Variants in FZR1 observed in about 807,000 individuals in gnomAD.
The protein encoded by FZR1 is fizzy-related protein homolog.
Under a neutral mutation model 63.6 loss-of-function variants are expected in FZR1, and 11 were observed. The observed-to-expected ratio is 0.17, with a 90% CI of 0.11 to 0.29. The LOEUF (loss-of-function observed/expected upper bound fraction) is 0.29. Ranked by LOEUF, FZR1 falls within the 10% of genes least tolerant of loss-of-function variation. The pLI is 1.00. For missense variants in FZR1, 440 were observed against 687.5 expected (o/e 0.64, Z 4.03); for synonymous variants, 328 against 297.9 (o/e 1.10, Z -1.04).
chr19:3,518,221 C>G (rs979682463), intron 1 of FZR1, among the ~76,000 whole-genome samples: 1 of 151,978 alleles, frequency 6.6e-6, no homozygotes, highest in African/African-American at 2.4e-5. Flanking sequence ...ACCATGTTGG[C>G]CAGGCTGGTG....
chr19:3,527,878 T>G, intron 7 of FZR1, 64 bp downstream of exon 7: 2 of 1,281,876 alleles, frequency 1.6e-6, no homozygotes, highest in Non-Finnish European at 2.2e-6. Flanking sequence ...GACCTCAATG[T>G]ACCCACCGGG....
rs540841451 is a variant in FZR1, at chr19:3,526,481, G to A, written c.387+95G>A. 748 of 1,045,366 alleles carry A rather than the reference G, an allele frequency of 7.2e-4. 3 individuals are homozygous for A. The highest frequency in any genetic ancestry group is 5.3e-3 in the African/African-American group (338 of 63,748). The allele number at this position is 1,045,366 out of a possible 1,614,324, so 64.8% of individuals were successfully genotyped here. On this transcript the variant is annotated intron_variant, in intron 5 of 13. Transcript: ENST00000441788. This position sits in a 1 kb window ranked among gnomAD's most constrained non-coding sequence, Gnocchi z 5.4. ...GCACCAGCTCTGCCTCCCCGAGCCC[G>A]GTTCTCGGGCCCAGCCACGGCTCAG...
rs537813007 is a variant in FZR1 at position 3,531,698 on chromosome 19, A to G, written c.721-16A>G. 2 of 1,533,150 alleles carry G rather than the reference A, an allele frequency of 1.3e-6. No individual in the cohort carries two copies. Among genetic ancestry groups the G allele is most frequent in the Admixed American group, 2.0e-5 (1 of 50,576 alleles). 95.0% of individuals were successfully genotyped at this position (1,533,150 alleles called of 1,614,324 possible). A position where few individuals can be genotyped will look rare whatever the true frequency, so the allele number is the denominator to read the frequency against. The stretch of plus-strand genomic sequence containing the variant: ...CAGACCTGACACCGGTGCTCTGCCC[A>G]TGCCTTCCATCCTAGGGGAACCTGG... On this transcript the variant is annotated splice_polypyrimidine_tract_variant and intron_variant, in intron 8 of 13. Coordinates refer to ENST00000441788, the MANE Select transcript of FZR1 (RefSeq NM_016263.4).
intron 1 of FZR1, among the ~76,000 whole-genome samples, chr19:3,508,764 C>T (rs72976603): frequency 0.1 from 15,191 of 152,244 alleles, 1,058 homozygotes; most frequent in Middle Eastern, 0.2. Context: ...CTCCACTGCC[C>T]AATTCTGTCC....
intron 7 of FZR1, among the ~76,000 whole-genome samples, chr19:3,529,358 G>C (rs112530324): frequency 0.013 from 1,982 of 149,466 alleles, 31 homozygotes; most frequent in African/African-American, 0.045. Flanking sequence ...GTGGATGGGA[G>C]AGCGGATGGG....
chr19:3,532,585 C>T lies in FZR1; in HGVS notation c.1177C>T (p.Leu393=). The T allele has an allele frequency of 6.2e-7, 1 of 1,612,798 alleles. No homozygotes were observed. Among genetic ancestry groups the T allele is most frequent in the Non-Finnish European group, 8.5e-7 (1 of 1,179,858 alleles). Residue 393 remains leucine, a synonymous_variant, in exon 11 of 14, where the codon CTG becomes TTG. Coordinates refer to ENST00000441788, the MANE Select transcript of FZR1 (RefSeq NM_016263.4). ...CTGGAACACGCTGACAGGACAACCACTGCAGTGTATCGACACGGGCTCCCA... is the reference window on the plus strand; with the variant it reads ...CTGGAACACGCTGACAGGACAACCATTGCAGTGTATCGACACGGGCTCCCA... The part of the protein sequence containing the change: ...RFWNTLTGQP[L]QCIDTGSQVC...
At chr19:3,528,905 G>A (rs563758919) in intron 7 of FZR1, among the ~76,000 whole-genome samples, 28 of 148,858 alleles carry the variant, frequency 1.9e-4, no homozygotes, top group South Asian at 1.7e-3. Flanking sequence ...GAGGGGAGTG[G>A]ATGTTTGAGT....
chr19:3,533,240 TA>T lies in FZR1; in HGVS notation c.1243-53del. 1 of 1,090,750 alleles carries T rather than the reference TA, an allele frequency of 9.2e-7. No individual in the cohort carries two copies. The highest frequency in any genetic ancestry group is 1.4e-6 in the Non-Finnish European group (1 of 709,078). 67.6% of individuals were successfully genotyped at this position (1,090,750 alleles called of 1,614,324 possible). A position where few individuals can be genotyped will look rare whatever the true frequency, so the allele number is the denominator to read the frequency against. On this transcript the variant is annotated intron_variant, in intron 11 of 13. Coordinates refer to ENST00000441788, the MANE Select transcript of FZR1 (RefSeq NM_016263.4). The surrounding 1 kb of genome is among the most constrained non-coding windows in gnomAD (Gnocchi z 4.9). ...GCGGGTGCATGTGAGGCAGCAGGCA[TA>T]GCACCCGGCCTCGTTGCCCCTCACC...
At chr19:3,529,780 G>C (rs1467252740) in intron 7 of FZR1, among the ~76,000 whole-genome samples, 1 of 147,156 alleles carries the variant, frequency 6.8e-6, no homozygotes, top group Non-Finnish European at 1.5e-5. Context: ...GCGGATGCGA[G>C]AGTGGATGAG....
chr19:3,523,936 TC>T (rs1182546791), intron 2 of FZR1, among the ~76,000 whole-genome samples: 2 of 152,000 alleles, frequency 1.3e-5, no homozygotes, highest in Non-Finnish European at 2.9e-5. Context: ...AGCCGCCTTC[TC>T]CCCCTGTGCG....
rs202198946 is a variant in FZR1, at chr19:3,534,542, G to A, written c.1440+29G>A. 2.7e-3 allele frequency: 3,790 copies of A among 1,423,932 alleles called. 9 individuals carry two copies. Among genetic ancestry groups the A allele is most frequent in the Non-Finnish European group, 2.8e-3 (2,898 of 1,021,528 alleles). The allele number at this position is 1,423,932 out of a possible 1,614,324, so 88.2% of individuals were successfully genotyped here. On this transcript the variant is annotated intron_variant, in intron 13 of 13. Coordinates refer to ENST00000441788, the MANE Select transcript of FZR1 (RefSeq NM_016263.4). ...AAGTGGGTCGGTATCAGCGCCACTC[G>A]CCCCCGCCCCAGCCTGTCCCAGGGT...
intron 2 of FZR1, among the ~76,000 whole-genome samples, chr19:3,524,021 A>G (rs1017187157): frequency 1.3e-5 from 2 of 152,230 alleles, no homozygotes; most frequent in Non-Finnish European, 2.9e-5. Context: ...CCCCATTGGT[A>G]AAGGGACAGG....
chr19:3,523,351 G>A (rs1173973947), intron 2 of FZR1, among the ~76,000 whole-genome samples: 1 of 152,198 alleles, frequency 6.6e-6, no homozygotes. Flanking sequence ...GAGCCTTTAG[G>A]GAGACCCGTT....
At position 3,536,604 on chromosome 19, in the gene FZR1, C is replaced by T. The variant is rs1271392446; in HGVS notation, c.*1768C>T. The T allele has an allele frequency of 2.0e-5, 3 of 152,414 alleles. No homozygotes were observed. The highest frequency in any genetic ancestry group is 7.2e-5 in the African/African-American group (3 of 41,470). 9.4% of individuals were successfully genotyped at this position (152,414 alleles called of 1,614,324 possible). On this transcript the variant is annotated 3_prime_UTR_variant, in exon 14 of 14. Coordinates refer to ENST00000441788, the MANE Select transcript of FZR1 (RefSeq NM_016263.4). ...TGGCCTTCAGAGGCTCCTCCTGGGA[C>T]TGGGAACCGCCGCAGGGCCAGGCGG...
chr19:3,527,760 G>C lies in FZR1; in HGVS notation c.600G>C (p.Val200=). ...LNLVDWSSLN[V]LSVGLGTCVY... is the part of the protein sequence containing the mutation. The stretch of plus-strand genomic sequence containing the variant: ...TGGTGGACTGGTCGTCCCTCAATGT[G>C]CTCAGCGTGGGGCTAGGCACCTGCG... The change falls in exon 7 of 14, where the codon GTG becomes GTC. Residue 200 remains valine (V), a synonymous_variant. Transcript: ENST00000441788. The C allele has an allele frequency of 6.2e-7, 1 of 1,612,886 alleles. No homozygotes were observed. The highest frequency in any genetic ancestry group is 8.5e-7 in the Non-Finnish European group (1 of 1,179,856).
chr19:3,534,619 TC>T (rs1265049923), intron 13 of FZR1, 106 bp downstream of exon 13: 2 of 920,450 alleles, frequency 2.2e-6, no homozygotes, highest in Non-Finnish European at 3.5e-6. Context: ...TTCCCCCACT[TC>T]CGAGCTTCCC....
intron 1 of FZR1, among the ~76,000 whole-genome samples, chr19:3,513,298 C>T (rs777610670): frequency 5.3e-5 from 8 of 152,154 alleles, no homozygotes; most frequent in East Asian, 1.9e-4. Flanking sequence ...GATCCTTAGT[C>T]GGAGGCCTCC....
Position 3,515,115 on chromosome 19 carries a change from G to A in FZR1, c.-34-7841G>A, listed in dbSNP as rs2083049564. ...TGTCGGCCACACAGGCAGAGCCACA[G>A]CAGCATCCCCACTAGGCACCCCCGG... On this transcript the variant is annotated intron_variant, in intron 1 of 13. Coordinates refer to ENST00000441788, the MANE Select transcript of FZR1 (RefSeq NM_016263.4). This position sits in a 1 kb window ranked among gnomAD's most constrained non-coding sequence, Gnocchi z 4.6. 6.6e-6 allele frequency among the ~76,000 whole-genome samples: 1 copy of A among 152,184 alleles called. No homozygotes were observed. Among genetic ancestry groups the A allele is most frequent in the Non-Finnish European group, 1.5e-5 (1 of 68,012 alleles).
In FZR1 at chr19:3,515,035, C is replaced by T. The variant is rs755326454; in HGVS notation, c.-34-7921C>T. 1.3e-5 allele frequency among the ~76,000 whole-genome samples: 2 copies of T among 152,176 alleles called. No homozygotes were observed. Among genetic ancestry groups the T allele is most frequent in the Non-Finnish European group, 2.9e-5 (2 of 68,014 alleles). ...GCCAAGGGGATGGGGCAGCAGGAAG[C>T]CCGGTGGCCCAGGGCCCGGGTCCAC... On this transcript the variant is annotated intron_variant, in intron 1 of 13. Coordinates refer to ENST00000441788, the MANE Select transcript of FZR1 (RefSeq NM_016263.4). This position sits in a 1 kb window ranked among gnomAD's most constrained non-coding sequence, Gnocchi z 4.6.
Sources: gnomAD v4.1 joint callset for allele counts (sites outside exome capture counted in the v4.1 genomes callset) on GRCh38, gnomAD v4.1.1 for gene constraint, Gnocchi (gnomAD v3.1) non-coding constraint, MANE v1.5 for transcripts, NCBI Gene and HGNC (gene_info 2026-07-23, HGNC 2026-07-21) for gene names.